Variants in SRSF11 observed in about 807,000 individuals in gnomAD.
SRSF11 encodes serine and arginine rich splicing factor 11, also known as serine/arginine-rich splicing factor 11.
SRSF11 carries 9 observed loss-of-function variants against 56.0 expected under a neutral mutation model. The ratio of observed to expected loss-of-function variants is 0.16; its 90% CI spans 0.10 to 0.28. The LOEUF (loss-of-function observed/expected upper bound fraction) is 0.28, where lower values mean the gene tolerates loss of function less well. Ranked by LOEUF, SRSF11 falls within the 10% of genes least tolerant of loss-of-function variation. SRSF11 has a pLI of 1.00. For synonymous variants in SRSF11, 222 were observed against 215.3 expected (o/e 1.03, Z -0.27); for missense variants, 421 against 600.7 (o/e 0.70, Z 3.13).
chr1:70,243,777 G>C (rs1003704362), intron 7 of SRSF11, among the ~76,000 whole-genome samples: 2 of 152,212 alleles, frequency 1.3e-5, no homozygotes, highest in Admixed American at 1.3e-4. Flanking sequence ...TGGGCCGGTT[G>C]TGGTGGTTAA....
chr1:70,232,187 A>G (rs1672966615), intron 2 of SRSF11, 81 bp from the exon 3 acceptor site: 1 of 1,606,526 alleles, frequency 6.2e-7, no homozygotes, highest in Non-Finnish European at 8.5e-7. Flanking sequence ...GTGGTGTATC[A>G]GGGAGACATT....
At position 70,221,825 on chromosome 1, in the gene SRSF11, C is replaced by T. The variant is rs762992424; in HGVS notation, c.189C>T (p.Arg63=). The stretch of plus-strand genomic sequence containing the variant: ...TCCTAGGCAAGATCGACGAACTGCG[C>T]CTCTTCCCGCCGGAGTGAGTATCGT... ...FGFLGKIDEL[R]LFPPDDSPLP... Residue 63 remains arginine, a synonymous_variant, in exon 1 of 12, where the codon CGC becomes CGT. Transcript: ENST00000370949. 1.2e-6 allele frequency: 2 copies of T among 1,613,758 alleles called. No homozygotes were observed.
intron 2 of SRSF11, chr1:70,229,231 C>T: frequency 7.8e-7 from 1 of 1,289,406 alleles, no homozygotes; most frequent in Non-Finnish European, 1.0e-6. Context: ...AATGCAAAAC[C>T]CTTCCAGATG....
chr1:70,221,804 A>G lies in SRSF11; in HGVS notation c.168A>G (p.Leu56=), dbSNP rs760924605. ...SEQMRTLFGF[L]GKIDELRLFP... is the part of the protein sequence containing the mutation. ...AGATGCGGACTCTCTTCGGTTTCCT[A>G]GGCAAGATCGACGAACTGCGCCTCT... is the stretch of plus-strand genomic sequence containing the variant. The change falls in exon 1 of 12, where the codon CTA becomes CTG. Residue 56 remains leucine (L), a synonymous_variant. Coordinates refer to ENST00000370949, the MANE Select transcript of SRSF11 (RefSeq NM_001350605.2). 2.9e-5 allele frequency: 46 copies of G among 1,613,914 alleles called. 1 individual carries two copies. The South Asian group carries it at 4.2e-4, about 15-fold the overall frequency.
At chr1:70,235,576 TG>T in intron 5 of SRSF11, 26 bp downstream of exon 5, 1 of 1,602,676 alleles carries the variant, frequency 6.2e-7, no homozygotes, top group African/African-American at 1.3e-5. Flanking sequence ...TTGTTTTCAT[TG>T]GTGATGTGGT....
At chr1:70,234,975 T>C (rs925035311) in intron 4 of SRSF11, among the ~76,000 whole-genome samples, 187 bp downstream of exon 4, 6 of 152,320 alleles carry the variant, frequency 3.9e-5, no homozygotes, top group African/African-American at 1.4e-4. Context: ...TGGATTTCTT[T>C]TATATAGTTC....
intron 7 of SRSF11, among the ~76,000 whole-genome samples, chr1:70,243,893 G>C (rs1395713707): frequency 6.6e-6 from 1 of 152,128 alleles, no homozygotes. Flanking sequence ...TTAAAAGATA[G>C]AGGAGAATGA....
intron 1 of SRSF11, among the ~76,000 whole-genome samples, chr1:70,214,376 C>T (rs1669819808): frequency 6.6e-6 from 1 of 152,122 alleles, no homozygotes; most frequent in African/African-American, 2.4e-5. Context: ...TAAATTGATT[C>T]TGATTTTCCA....
intron 2 of SRSF11, chr1:70,230,699 C>CTTT: frequency 7.1e-6 from 7 of 982,116 alleles, no homozygotes; most frequent in South Asian, 1.9e-5. Context: ...AGATGCATGA[C>CTTT]TTTTTTTTTT....
chr1:70,215,757 G>A (rs1296625270), intron 1 of SRSF11, among the ~76,000 whole-genome samples: 1 of 152,204 alleles, frequency 6.6e-6, no homozygotes, highest in Non-Finnish European at 1.5e-5. Context: ...CCAGTGGGTA[G>A]CGGGATTATG....
rs1427329118 is a variant in SRSF11, at chr1:70,252,932, A to G, written c.*2127A>G. 6.6e-6 allele frequency: 1 copy of G among 152,218 alleles called. No individual in the cohort carries two copies. The highest frequency in any genetic ancestry group is 2.4e-5 in the African/African-American group (1 of 41,448). 9.4% of individuals were successfully genotyped at this position (152,218 alleles called of 1,614,324 possible). ...ATTTTCTGCACAAAGGTAGTGTTGCACTGGGACACAAGCCTTTTAACAGAT... is the reference window on the plus strand; with the variant it reads ...ATTTTCTGCACAAAGGTAGTGTTGCGCTGGGACACAAGCCTTTTAACAGAT... On this transcript the variant is annotated 3_prime_UTR_variant, in exon 12 of 12. Coordinates refer to ENST00000370949, the MANE Select transcript of SRSF11 (RefSeq NM_001350605.2).
intron 1 of SRSF11, among the ~76,000 whole-genome samples, chr1:70,209,935 A>C (rs1260949190): frequency 6.6e-6 from 1 of 151,000 alleles, no homozygotes; most frequent in African/African-American, 2.4e-5. Context: ...AAGACAGTAC[A>C]TATTTTGCAT....
intron 1 of SRSF11, among the ~76,000 whole-genome samples, chr1:70,213,793 G>C (rs1419150013): frequency 1.3e-5 from 2 of 152,130 alleles, no homozygotes; most frequent in Non-Finnish European, 2.9e-5. Flanking sequence ...GGAAATTGAA[G>C]CACCAAGTAA....
rs897246539 is a variant in SRSF11 at position 70,252,284 on chromosome 1, AC to A, written c.*1481del. On this transcript the variant is annotated 3_prime_UTR_variant, in exon 12 of 12. Transcript: ENST00000370949. Reference sequence around the variant, plus strand: ...ATGAACTTTAGTATAAACAAATCCCACCTATATCTAGCAAATTTATATTTTC... The same window carrying A: ...ATGAACTTTAGTATAAACAAATCCCACTATATCTAGCAAATTTATATTTTC... The A allele has an allele frequency of 6.6e-6, 1 of 152,102 alleles. No homozygotes were observed. Among genetic ancestry groups the A allele is most frequent in the African/African-American group, 2.4e-5 (1 of 41,424 alleles). The allele number at this position is 152,102 out of a possible 1,614,324, so 9.4% of individuals were successfully genotyped here.
rs967089271 is a variant in SRSF11 at position 70,252,251 on chromosome 1, A to T, written c.*1446A>T. ...ATTTTTTGTGTGGGAATGGGGTTGGATAAAGCAATGAACTTTAGTATAAAC... is the reference window on the plus strand; with the variant it reads ...ATTTTTTGTGTGGGAATGGGGTTGGTTAAAGCAATGAACTTTAGTATAAAC... On this transcript the variant is annotated 3_prime_UTR_variant, in exon 12 of 12. Coordinates refer to ENST00000370949, the MANE Select transcript of SRSF11 (RefSeq NM_001350605.2). 5 of 152,144 alleles carry T rather than the reference A, an allele frequency of 3.3e-5. No individual in the cohort carries two copies. The highest frequency in any genetic ancestry group is 7.4e-5 in the Non-Finnish European group (5 of 67,988). 9.4% of individuals were successfully genotyped at this position (152,144 alleles called of 1,614,324 possible).
Position 70,221,421 on chromosome 1 carries a change from C to T in SRSF11, c.-216C>T. ...GCGAGGTGGGGCGGCCGTTTGTTTTCTCGTGGTCTCGAGCTCGCGCGCTCT... is the reference window on the plus strand; with the variant it reads ...GCGAGGTGGGGCGGCCGTTTGTTTTTTCGTGGTCTCGAGCTCGCGCGCTCT... On this transcript the variant is annotated 5_prime_UTR_variant, in exon 1 of 12. Coordinates refer to ENST00000370949, the MANE Select transcript of SRSF11 (RefSeq NM_001350605.2). The T allele has an allele frequency of 1.1e-5, 5 of 458,160 alleles. No individual in the cohort carries two copies. Among genetic ancestry groups the T allele is most frequent in the Non-Finnish European group, 1.5e-5 (4 of 262,500 alleles). The allele number at this position is 458,160 out of a possible 1,614,324, so 28.4% of individuals were successfully genotyped here.
chr1:70,229,863 T>C (rs1165309222), intron 2 of SRSF11: 2 of 984,688 alleles, frequency 2.0e-6, no homozygotes, highest in East Asian at 2.3e-4. Flanking sequence ...TATTAAAGTG[T>C]ATGAGCCCAG....
At chr1:70,239,762 C>T (rs1674910067) in intron 7 of SRSF11, among the ~76,000 whole-genome samples, 1 of 151,964 alleles carries the variant, frequency 6.6e-6, no homozygotes, top group Non-Finnish European at 1.5e-5. Flanking sequence ...GGAACTAGAG[C>T]AACAAAATGA....
At position 70,251,198 on chromosome 1, in the gene SRSF11, C is replaced by T; in HGVS notation, c.*393C>T. 5.9e-6 allele frequency: 1 copy of T among 170,656 alleles called. No homozygotes were observed. The highest frequency in any genetic ancestry group is 1.3e-5 in the Non-Finnish European group (1 of 78,124). 10.6% of individuals were successfully genotyped at this position (170,656 alleles called of 1,614,324 possible). ...GTAATAGAGCCATGTAGGAAATGCA[C>T]TGATTGCATGTTATTGTGGCAAGAA... is the stretch of plus-strand genomic sequence containing the variant. On this transcript the variant is annotated 3_prime_UTR_variant, in exon 12 of 12. Coordinates refer to ENST00000370949, the MANE Select transcript of SRSF11 (RefSeq NM_001350605.2).
Sources: gnomAD v4.1 joint callset for allele counts (sites outside exome capture counted in the v4.1 genomes callset) on GRCh38, gnomAD v4.1.1 for gene constraint, MANE v1.5 for transcripts, NCBI Gene and HGNC (gene_info 2026-07-23, HGNC 2026-07-21) for gene names.